TCF20: variants seen among roughly 807,000 people sequenced by gnomAD.
TCF20 encodes transcription factor 20.
Under a neutral mutation model 148.6 loss-of-function variants are expected in TCF20, and 3 were observed. That is an observed-to-expected ratio of 0.02 (90% CI 0.01 to 0.05). The LOEUF (loss-of-function observed/expected upper bound fraction) is 0.05. Among genes scored for constraint, TCF20 ranks in the 10% least tolerant of loss-of-function variants. The probability of loss-of-function intolerance (pLI) is 1.00; values close to 1 mark genes in which losing one functional copy is unlikely to be tolerated. For missense variants in TCF20, 2,350 were observed against 2,429.3 expected, an observed-to-expected ratio of 0.97 and a Z score of 0.69; for synonymous variants, 1,049 against 909.5, an observed-to-expected ratio of 1.15 and a Z score of -2.76.
At chr22:42,253,322 G>C (rs1041611281) in intron 1 of TCF20, among the ~76,000 whole-genome samples, 1 of 152,028 alleles carries the variant, frequency 6.6e-6, no homozygotes, top group Non-Finnish European at 1.5e-5. Flanking sequence ...CTGGGTTCCA[G>C]AAAGAGAATT....
intron 1 of TCF20, among the ~76,000 whole-genome samples, chr22:42,218,840 A>C (rs1922058538): frequency 6.6e-6 from 1 of 151,840 alleles, no homozygotes; most frequent in Non-Finnish European, 1.5e-5. Flanking sequence ...TCCCCTGCAG[A>C]TTCCCTGTCC....
intron 2 of TCF20, among the ~76,000 whole-genome samples, chr22:42,182,903 CTTTTT>C (rs1936850287): frequency 6.6e-6 from 1 of 151,984 alleles, no homozygotes; most frequent in Non-Finnish European, 1.5e-5. Flanking sequence ...CACCTGGCAA[CTTTTT>C]GTTTTTTTAC....
At chr22:42,323,944 ATGGAGGTTATGGTGGTGGTGGTGATG>A (rs1569209744) in intron 1 of TCF20, among the ~76,000 whole-genome samples, 9 of 12,414 alleles carry the variant, frequency 7.2e-4, no homozygotes, top group Non-Finnish European at 8.5e-4. Flanking sequence ...GGTGGTGGTG[ATGGAGGTTATGGTGGTGGTGGTGATG>A]GTGGTGGTGG....
chr22:42,212,173 G>A lies in TCF20; in HGVS notation c.3133C>T (p.Arg1045Trp), dbSNP rs949181115. The A allele has an allele frequency of 1.2e-5, 19 of 1,614,074 alleles. No individual in the cohort carries two copies. Among genetic ancestry groups the A allele is most frequent in the Non-Finnish European group, 1.5e-5 (18 of 1,180,054 alleles). Residue 1045 changes from arginine (R) to tryptophan (W), a missense_variant, in exon 2 of 6, where the codon CGG becomes TGG. Transcript: ENST00000677622. ...PHMTFSERAN[R>W]SSLHTPFSPN... is the part of the protein sequence containing the mutation. ...GAAAAGGGAGTGTGTAAAGAACTCC[G>A]GTTAGCCCTCTCTGAAAAGGTCATG...
chr22:42,295,739 C>A lies in TCF20; in HGVS notation c.-37+47740G>T, dbSNP rs1601696996. Among the ~76,000 whole-genome samples, 3 of 152,196 alleles carry A rather than the reference C, an allele frequency of 2.0e-5. No individual in the cohort carries two copies. The East Asian group carries it at 5.8e-4, about 29-fold the overall frequency. On this transcript the variant is annotated intron_variant, in intron 1 of 1. Transcript: ENST00000515426. ...ACAGGCGTGAGCCACCGCGCCCGGC[C>A]TACTCCCTTATGTTTTCATACAACC...
chr22:42,325,174 G>A (rs2049914683), intron 1 of TCF20, among the ~76,000 whole-genome samples: 1 of 152,210 alleles, frequency 6.6e-6, no homozygotes, highest in African/African-American at 2.4e-5. Flanking sequence ...TGCTCCTCTG[G>A]GCCTCCTCCC....
At chr22:42,164,982 G>A (rs966052134) in intron 5 of TCF20, among the ~76,000 whole-genome samples, 1 of 152,202 alleles carries the variant, frequency 6.6e-6, no homozygotes, top group Admixed American at 6.5e-5. Flanking sequence ...GGCTTTGTGT[G>A]GAAGATGACA....
chr22:42,313,180 C>T (rs914123153), intron 1 of TCF20, among the ~76,000 whole-genome samples: 1 of 152,240 alleles, frequency 6.6e-6, no homozygotes, highest in Non-Finnish European at 1.5e-5. Context: ...TTCTTCAGTG[C>T]CTGGCACTCA....
upstream of TCF20, among the ~76,000 whole-genome samples, chr22:42,271,590 G>T (rs1049647051): frequency 6.6e-6 from 1 of 152,240 alleles, no homozygotes; most frequent in Non-Finnish European, 1.5e-5. Flanking sequence ...GATGCGTTGA[G>T]AATTTGTGAT....
chr22:42,231,543 T>C (rs1569169424), intron 1 of TCF20, among the ~76,000 whole-genome samples: 1 of 152,154 alleles, frequency 6.6e-6, no homozygotes, highest in Admixed American at 6.6e-5. Flanking sequence ...AAAATATTTT[T>C]GAACAGCTGC....
chr22:42,222,640 C>T (rs1922483288), intron 1 of TCF20, among the ~76,000 whole-genome samples: 1 of 152,122 alleles, frequency 6.6e-6, no homozygotes, highest in Non-Finnish European at 1.5e-5. Flanking sequence ...TCCCCAGGCC[C>T]ATAAATTCCT....
In TCF20 at chr22:42,212,218, G is replaced by A. The variant is rs200309070; in HGVS notation, c.3088C>T (p.Pro1030Ser). The change falls in exon 2 of 6, where the codon CCT becomes TCT. Residue 1030 changes from proline (P) to serine (S), a missense_variant. Transcript: ENST00000677622. ...PGRSRGPGGD[P>S]HHMNPHMTFS... ...GTCATGTGTGGATTCATGTGATGAG[G>A]GTCTCCCCCTGGGCCTCTGCTCCGC... The A allele has an allele frequency of 6.2e-7, 1 of 1,614,122 alleles. No individual in the cohort carries two copies. The highest frequency in any genetic ancestry group is 2.2e-5 in the East Asian group (1 of 44,878).
chr22:42,170,599 G>C, intron 3 of TCF20, among the ~76,000 whole-genome samples: 1 of 119,400 alleles, frequency 8.4e-6, no homozygotes, highest in East Asian at 2.6e-4. Flanking sequence ...CTGCACTCCA[G>C]CCTGGTGACA....
rs1920926552 is a variant in TCF20 at position 42,209,847 on chromosome 22, G to C, written c.5459C>G (p.Thr1820Ser). 1 of 1,614,216 alleles carries C rather than the reference G, an allele frequency of 6.2e-7. No homozygotes were observed. The highest frequency in any genetic ancestry group is 1.3e-5 in the African/African-American group (1 of 75,048). ...CACGGAGGGCTTCGAGTCCAAAACA[G>C]TCTTTTCACTGCTGCCCTCAGTGGC... ...KAATEGSSEK[T>S]VLDSKPSVPT... Residue 1820 changes from threonine to serine, a missense_variant, in exon 2 of 6, where the codon ACT (threonine) becomes AGT (serine). Physicochemically the swap from Thr to Ser is moderately conservative, Grantham distance 58. Coordinates refer to ENST00000677622, the MANE Select transcript of TCF20 (RefSeq NM_001378418.1).
At chr22:42,339,391 C>T (rs1233358160) in intron 1 of TCF20, among the ~76,000 whole-genome samples, 1 of 152,182 alleles carries the variant, frequency 6.6e-6, no homozygotes, top group Non-Finnish European at 1.5e-5. Flanking sequence ...TTTCTTCAAA[C>T]ATTCTGCAGG....
chr22:42,298,855 G>T (rs548420301), intron 1 of TCF20, among the ~76,000 whole-genome samples: 28 of 152,196 alleles, frequency 1.8e-4, no homozygotes, highest in Admixed American at 9.8e-4. Flanking sequence ...CCTTCCCCAG[G>T]ACAGTCCAGA....
At chr22:42,240,166 T>G (rs1924268600) in intron 1 of TCF20, among the ~76,000 whole-genome samples, 1 of 152,218 alleles carries the variant, frequency 6.6e-6, no homozygotes, top group Non-Finnish European at 1.5e-5. Context: ...ATTTCCATTT[T>G]CTAGACAACG....
chr22:42,215,156 GCTGCCACTA>G lies in TCF20; in HGVS notation c.141_149del (p.Ser51_Ser53del), dbSNP rs760044172. 1.2e-6 allele frequency: 2 copies of G among 1,612,754 alleles called. No individual in the cohort carries two copies. Among genetic ancestry groups the G allele is most frequent in the Non-Finnish European group, 1.7e-6 (2 of 1,179,662 alleles). On this transcript the variant is annotated inframe_deletion, in exon 2 of 6. Coordinates refer to ENST00000677622, the MANE Select transcript of TCF20 (RefSeq NM_001378418.1). ...GTCCACCACCACTGCCACTGCCACTGCTGCCACTACTGCCACCTGTACCTCCAAAATTCT... is the reference window on the plus strand; with the variant it reads ...GTCCACCACCACTGCCACTGCCACTGCTGCCACCTGTACCTCCAAAATTCT...
intron 5 of TCF20, among the ~76,000 whole-genome samples, chr22:42,167,386 C>T (rs1281335291): frequency 2.0e-5 from 3 of 152,184 alleles, no homozygotes; most frequent in South Asian, 2.1e-4. Context: ...ACACGTCTAG[C>T]GTAGCTGTGT....
Sources: allele counts gnomAD v4.1 joint callset (sites outside exome capture counted in the v4.1 genomes callset), GRCh38; gene constraint gnomAD v4.1.1; transcripts MANE v1.5; gene names NCBI Gene and HGNC (gene_info 2026-07-23, HGNC 2026-07-21).